The following IFNGR2 variants were observed in gnomAD, a reference collection of about 807,000 sequenced individuals.
The protein encoded by IFNGR2 is IFN-gamma receptor 2.
Under a neutral mutation model 41.1 loss-of-function variants are expected in IFNGR2, and 15 were observed. The observed-to-expected ratio is 0.37, with a 90% confidence interval of 0.24 to 0.56. IFNGR2 has a LOEUF of 0.56. Ranked by LOEUF, IFNGR2 falls within the 20% of genes least tolerant of loss-of-function variation. The probability of loss-of-function intolerance (pLI) is 0.81; values close to 1 mark genes in which losing one functional copy is unlikely to be tolerated. For synonymous variants in IFNGR2, 161 were observed against 171.6 expected, an observed-to-expected ratio of 0.94 and a Z score of 0.48; for missense variants, 362 against 415.7, an observed-to-expected ratio of 0.87 and a Z score of 1.12.
intron 1 of IFNGR2, chr21:33,411,566 G>A (rs1043142033): frequency 2.3e-5 from 11 of 468,908 alleles, no homozygotes; most frequent in African/African-American, 6.0e-5. Context: ...AAGGGACTCC[G>A]CAGATGTGAG....
At chr21:33,429,923 G>A (rs2083871580) in intron 4 of IFNGR2, among the ~76,000 whole-genome samples, 1 of 152,200 alleles carries the variant, frequency 6.6e-6, no homozygotes, top group Admixed American at 6.5e-5. Context: ...CAGATCACTT[G>A]AGGTCAGGGG....
chr21:33,418,214 G>A (rs1340289617), intron 2 of IFNGR2, among the ~76,000 whole-genome samples: 3 of 151,912 alleles, frequency 2.0e-5, no homozygotes, highest in South Asian at 2.1e-4. Context: ...CCACCACTAC[G>A]CCCGGCTGAT....
rs1022662689 is a variant in IFNGR2 at position 33,414,267 on chromosome 21, C to A, written c.74-621C>A. 2.6e-5 allele frequency among the ~76,000 whole-genome samples: 4 copies of A among 152,152 alleles called. No homozygotes were observed. The East Asian group carries it at 7.7e-4, about 29-fold the overall frequency. ...TGCGATGCTGGGGGTCCTTGAGAGACGACAACTCTGATGGTGCCCAGAAGT... is the reference window on the plus strand; with the variant it reads ...TGCGATGCTGGGGGTCCTTGAGAGAAGACAACTCTGATGGTGCCCAGAAGT... On this transcript the variant is annotated intron_variant, in intron 1 of 6. Coordinates refer to ENST00000290219, the MANE Select transcript of IFNGR2 (RefSeq NM_005534.4).
chr21:33,404,560 C>A (rs755024581), intron 1 of IFNGR2, among the ~76,000 whole-genome samples: 1 of 152,144 alleles, frequency 6.6e-6, no homozygotes, highest in African/African-American at 2.4e-5. Context: ...ACGTCAGCCT[C>A]CCAAGAAGGT....
At chr21:33,415,149 T>C (rs757861653) in intron 2 of IFNGR2, 129 bp downstream of exon 2, 2 of 1,175,818 alleles carry the variant, frequency 1.7e-6, no homozygotes, top group Non-Finnish European at 1.3e-6. Context: ...ACATCGTTCT[T>C]GGAGCTTGTA....
chr21:33,415,031 AT>A lies in IFNGR2; in HGVS notation c.206+14del, dbSNP rs1204168805. ...AGTGCAGTTTAAATAGTAAGCCGGT[AT>A]TTCTGTTGGATCCTTGCTGGGAGCT... On this transcript the variant is annotated intron_variant, in intron 2 of 6. Coordinates refer to ENST00000290219, the MANE Select transcript of IFNGR2 (RefSeq NM_005534.4). The A allele has an allele frequency of 6.2e-7, 1 of 1,613,942 alleles. No individual in the cohort carries two copies. The highest frequency in any genetic ancestry group is 8.5e-7 in the Non-Finnish European group (1 of 1,179,958).
chr21:33,407,194 CA>C (rs1435115128), intron 1 of IFNGR2, among the ~76,000 whole-genome samples: 4 of 151,852 alleles, frequency 2.6e-5, no homozygotes, highest in Non-Finnish European at 4.4e-5. Context: ...CTGACTTTTT[CA>C]GGGGATTGGA....
chr21:33,403,549 A>G lies in IFNGR2; in HGVS notation c.6A>G (p.Arg2=). 1 of 1,327,054 alleles carries G rather than the reference A, an allele frequency of 7.5e-7. No individual in the cohort carries two copies. Among genetic ancestry groups the G allele is most frequent in the East Asian group, 3.4e-5 (1 of 29,334 alleles). 82.2% of individuals were successfully genotyped at this position (1,327,054 alleles called of 1,614,324 possible). M[R]PTLLWSLLLL... ...GCCGCCGAGCGCCCGGGGCCATGCG[A>G]CCGACGCTGCTGTGGTCGCTGCTGC... Residue 2 remains arginine (R), a synonymous_variant, in exon 1 of 7, where the codon CGA becomes CGG. Coordinates refer to ENST00000290219, the MANE Select transcript of IFNGR2 (RefSeq NM_005534.4).
chr21:33,407,901 G>A (rs996557166), intron 1 of IFNGR2, among the ~76,000 whole-genome samples: 84 of 129,058 alleles, frequency 6.5e-4, no homozygotes, highest in Non-Finnish European at 4.2e-4. Context: ...GGGATTACAG[G>A]CATGAGCTAC....
chr21:33,434,971 G>A (rs1002506957), intron 6 of IFNGR2, among the ~76,000 whole-genome samples: 1 of 152,110 alleles, frequency 6.6e-6, no homozygotes, highest in Non-Finnish European at 1.5e-5. Context: ...ATCCGCCAAA[G>A]GTCTCTGAGT....
intron 1 of IFNGR2, among the ~76,000 whole-genome samples, chr21:33,414,630 C>A (rs1353703313): frequency 6.6e-6 from 1 of 152,212 alleles, no homozygotes; most frequent in African/African-American, 2.4e-5. Context: ...CTGTTCGTAA[C>A]AACTGGGACC....
At chr21:33,415,153 G>A (rs1476856458) in intron 2 of IFNGR2, 133 bp downstream of exon 2, 6 of 1,161,230 alleles carry the variant, frequency 5.2e-6, no homozygotes, top group Non-Finnish European at 7.7e-6. Context: ...CGTTCTTGGA[G>A]CTTGTAAAAT....
chr21:33,432,595 G>A (rs963588193), intron 5 of IFNGR2, 119 bp from the exon 6 acceptor site: 9 of 1,139,408 alleles, frequency 7.9e-6, no homozygotes, highest in Non-Finnish European at 1.2e-5. Context: ...GGGGGGTAGA[G>A]GGACTTGCCC....
intron 2 of IFNGR2, among the ~76,000 whole-genome samples, chr21:33,418,051 C>G (rs1204460508): frequency 6.6e-6 from 1 of 151,910 alleles, no homozygotes; most frequent in African/African-American, 2.4e-5. Context: ...GAGACAGAGT[C>G]TCGCTCTGTC....
chr21:33,428,395 T>C (rs896127435), intron 4 of IFNGR2, among the ~76,000 whole-genome samples: 2 of 151,786 alleles, frequency 1.3e-5, no homozygotes, highest in Non-Finnish European at 2.9e-5. Flanking sequence ...GCTAATATTT[T>C]TAAATTTTTT....
chr21:33,431,008 A>G (rs1001758631), intron 4 of IFNGR2, among the ~76,000 whole-genome samples: 1 of 152,176 alleles, frequency 6.6e-6, no homozygotes, highest in African/African-American at 2.4e-5. Flanking sequence ...GGACAACAGG[A>G]GCCATTGCCT....
At chr21:33,410,992 G>C in intron 1 of IFNGR2, 1 of 881,244 alleles carries the variant, frequency 1.1e-6, no homozygotes, top group Non-Finnish European at 1.9e-6. Flanking sequence ...CCCATCGGGG[G>C]CCATGTGGCC....
At chr21:33,406,266 C>T (rs1301705938) in intron 1 of IFNGR2, among the ~76,000 whole-genome samples, 1 of 151,602 alleles carries the variant, frequency 6.6e-6, no homozygotes. Context: ...ATCCCAGCTA[C>T]CTGGGAGGCT....
chr21:33,409,433 C>T lies in IFNGR2; in HGVS notation c.74-5455C>T, dbSNP rs1568950177. Among the ~76,000 whole-genome samples the T allele has an allele frequency of 2.0e-5, 3 of 152,004 alleles. No homozygotes were observed. The South Asian group carries it at 6.2e-4, about 32-fold the overall frequency. On this transcript the variant is annotated intron_variant, in intron 1 of 6. Coordinates refer to ENST00000290219, the MANE Select transcript of IFNGR2 (RefSeq NM_005534.4). ...GCAGTAAGCCGAGATCACGCCACTG[C>T]GACACTGCACTCCAGCCTGGGGGAC...
Sources: gnomAD v4.1 joint callset for allele counts (sites outside exome capture counted in the v4.1 genomes callset) on GRCh38, gnomAD v4.1.1 for gene constraint, MANE v1.5 for transcripts, NCBI Gene and HGNC (gene_info 2026-07-23, HGNC 2026-07-21) for gene names.